The following AMMECR1 variants were observed in gnomAD, a reference collection of about 807,000 sequenced individuals.
AMMECR1 encodes nuclear protein AMMECR1.
Under a neutral mutation model 22.5 loss-of-function variants are expected in AMMECR1, and 3 were observed. The observed-to-expected ratio is 0.13, with a 90% confidence interval of 0.06 to 0.35. AMMECR1 has a LOEUF of 0.35. Among genes scored for constraint, AMMECR1 ranks in the 10% least tolerant of loss-of-function variants. The pLI, the probability that AMMECR1 is intolerant of heterozygous loss-of-function variation, is 1.00. For missense variants in AMMECR1, 235 were observed against 278.7 expected (o/e 0.84, Z 1.12); for synonymous variants, 130 against 116.7 (o/e 1.11, Z -0.74).
At chrX:110,395,059 T>C (rs1428668612) in intron 2 of AMMECR1, among the ~76,000 whole-genome samples, 1 of 112,743 alleles carries the variant, frequency 8.9e-6, no homozygotes, top group African/African-American at 3.2e-5. Flanking sequence ...ACTGCCAGGA[T>C]GTGGGCAAAG....
At chrX:110,267,087 A>G (rs2067773690) in intron 1 of AMMECR1, among the ~76,000 whole-genome samples, 1 of 111,781 alleles carries the variant, frequency 8.9e-6, no homozygotes, top group Non-Finnish European at 1.9e-5. Context: ...CCAGTCTATC[A>G]TTGATGGACA....
intron 2 of AMMECR1, among the ~76,000 whole-genome samples, chrX:110,241,196 C>G (rs2067630460): frequency 9.1e-6 from 1 of 110,471 alleles, no homozygotes; most frequent in African/African-American, 3.3e-5. Context: ...CAAACAAATT[C>G]AAAAGCTAGC....
chrX:110,347,323 T>C (rs2068194618), intron 2 of AMMECR1, among the ~76,000 whole-genome samples: 1 of 112,793 alleles, frequency 8.9e-6, no homozygotes, highest in Admixed American at 9.3e-5. Context: ...GGCATATATA[T>C]TTTTAATTAA....
intron 3 of AMMECR1, among the ~76,000 whole-genome samples, chrX:110,203,258 G>A (rs1569371658): frequency 9.0e-6 from 1 of 111,564 alleles, no homozygotes; most frequent in Non-Finnish European, 1.9e-5. Context: ...TTATATACTA[G>A]CCCAGAGACC....
chrX:110,314,577 G>A (rs925453204), intron 1 of AMMECR1, among the ~76,000 whole-genome samples: 7 of 111,775 alleles, frequency 6.3e-5, no homozygotes, highest in African/African-American at 2.3e-4. Context: ...TGACTGCTCT[G>A]GAGTCTAACT....
In AMMECR1 at chrX:110,202,533, C is replaced by G; in HGVS notation, c.703G>C (p.Gly235Arg). The change falls in exon 4 of 6, where the codon GGT becomes CGT. Residue 235 changes from glycine to arginine, a missense_variant. Gly to Arg is a moderately radical substitution (Grantham distance 125). This residue lies in a region of AMMECR1 where 111 missense variants were observed against 181.7 expected (regional missense o/e 0.61). Transcript: ENST00000262844. Reference sequence around the variant, plus strand: ...AATTCTATTCTAATGCCATGTACACCCACCTGAAAGAAATTGGCAGTTTTA... The same window carrying G: ...AATTCTATTCTAATGCCATGTACACGCACCTGAAAGAAATTGGCAGTTTTA... ...DVCDYLDWEV[G>R]VHGIRIEFIN... The G allele has an allele frequency of 8.4e-7, 1 of 1,185,378 alleles. No individual in the cohort carries two copies. The highest frequency in any genetic ancestry group is 1.1e-6 in the Non-Finnish European group (1 of 873,677).
chrX:110,237,993 G>A (rs2067610190), intron 2 of AMMECR1, among the ~76,000 whole-genome samples: 1 of 111,792 alleles, frequency 8.9e-6, no homozygotes, highest in Non-Finnish European at 1.9e-5. Flanking sequence ...GGAAATACAG[G>A]ACTTGCTTAA....
chrX:110,313,611 T>TA (rs754920775), intron 1 of AMMECR1, among the ~76,000 whole-genome samples: 8 of 112,109 alleles, frequency 7.1e-5, no homozygotes, highest in Non-Finnish European at 9.4e-5. Context: ...CTTTACTTAT[T>TA]AAAATCAATA....
intron 1 of AMMECR1, among the ~76,000 whole-genome samples, chrX:110,433,977 T>C (rs2068817557): frequency 2.7e-5 from 3 of 111,439 alleles, no homozygotes; most frequent in Middle Eastern, 4.6e-3. Context: ...GAGGCACACA[T>C]AAGCCCTCAT....
In AMMECR1 at chrX:110,378,818, C is replaced by T. The variant is rs746752757; in HGVS notation, c.-148+47840G>A. On this transcript the variant is annotated intron_variant, in intron 2 of 7. Transcript: ENST00000372057. ...CACCTGTCCACCCCGACCCCCGCTG[C>T]CCACTGCTGGCTCTTCCAGTCTTGT... Among the ~76,000 whole-genome samples the T allele has an allele frequency of 7.2e-5, 8 of 111,640 alleles. No individual in the cohort carries two copies. The South Asian group carries it at 3.1e-3, about 43-fold the overall frequency.
intron 1 of AMMECR1, among the ~76,000 whole-genome samples, chrX:110,300,253 G>T (rs986567645): frequency 8.9e-6 from 1 of 111,996 alleles, no homozygotes; most frequent in African/African-American, 3.2e-5. Flanking sequence ...GCTTATTGTG[G>T]TTTTGACTTG....
intron 2 of AMMECR1, among the ~76,000 whole-genome samples, chrX:110,373,490 G>A (rs1378108904): frequency 9.0e-6 from 1 of 111,680 alleles, no homozygotes; most frequent in South Asian, 3.7e-4. Context: ...CAATTCTTAC[G>A]GAAGGGTTCT....
chrX:110,356,115 A>C (rs1176319530), intron 2 of AMMECR1, among the ~76,000 whole-genome samples: 3 of 108,428 alleles, frequency 2.8e-5, no homozygotes, highest in South Asian at 8.0e-4. Flanking sequence ...TGTTGATCAA[A>C]TTATATAAAA....
intron 2 of AMMECR1, among the ~76,000 whole-genome samples, chrX:110,423,864 T>C (rs1449429669): frequency 2.7e-5 from 3 of 112,496 alleles, no homozygotes; most frequent in Non-Finnish European, 5.6e-5. Flanking sequence ...TGGTTAATTA[T>C]TGAGACAGTT....
chrX:110,381,385 CA>C (rs1292817373), intron 2 of AMMECR1, among the ~76,000 whole-genome samples: 1 of 111,927 alleles, frequency 8.9e-6, no homozygotes, highest in Non-Finnish European at 1.9e-5. Flanking sequence ...TACCATCTCA[CA>C]CCAGTCAGAA....
chrX:110,349,175 G>T lies in AMMECR1; in HGVS notation c.-147-31326C>A, dbSNP rs375226236. ...ACCTTGAAAAGTAGGTTCTGTACCC[G>T]ATTAGGTATGAAAAAACTAAATCTC... On this transcript the variant is annotated intron_variant, in intron 2 of 7. Coordinates refer to the AMMECR1 transcript ENST00000372057. 7.1e-5 allele frequency among the ~76,000 whole-genome samples: 8 copies of T among 112,225 alleles called. No individual in the cohort carries two copies. In the South Asian group the frequency reaches 3.0e-3, roughly 42 times the overall value.
intron 2 of AMMECR1, among the ~76,000 whole-genome samples, chrX:110,357,473 C>T (rs2068236468): frequency 8.9e-6 from 1 of 112,203 alleles, no homozygotes; most frequent in Non-Finnish European, 1.9e-5. Flanking sequence ...GACCAAATGG[C>T]CAGTTTCTGC....
At chrX:110,349,465 T>C (rs1466617253) in intron 2 of AMMECR1, among the ~76,000 whole-genome samples, 2 of 111,457 alleles carry the variant, frequency 1.8e-5, no homozygotes, top group Non-Finnish European at 3.8e-5. Context: ...TACTACCACA[T>C]TGGAGATTAG....
At chrX:110,379,984 T>G (rs776394134) in intron 2 of AMMECR1, among the ~76,000 whole-genome samples, 5 of 111,861 alleles carry the variant, frequency 4.5e-5, no homozygotes, top group Admixed American at 9.5e-5. Flanking sequence ...TGAGTCTCTG[T>G]GAGAGGAAAT....
Sources: gnomAD v4.1 joint callset for allele counts (sites outside exome capture counted in the v4.1 genomes callset) on GRCh38, gnomAD v4.1.1 for gene constraint, gnomAD v4.1.1 regional missense constraint, MANE v1.5 for transcripts, NCBI Gene and HGNC (gene_info 2026-07-23, HGNC 2026-07-21) for gene names.